Variants in PFKFB1 observed in about 807,000 individuals in gnomAD.
PFKFB1 encodes 6-phosphofructo-2-kinase/fructose-2,6-bisphosphatase 1.
A neutral mutation model predicts 46.4 loss-of-function variants in PFKFB1; 34 were observed. The observed-to-expected ratio is 0.73, with a 90% CI of 0.56 to 0.98. The LOEUF is 0.98. PFKFB1 is among the 50% of genes least tolerant of loss of function. The pLI is 0.00. For missense variants in PFKFB1, 393 were observed against 376.3 expected (o/e 1.04, Z -0.37); for synonymous variants, 119 against 133.8 (o/e 0.89, Z 0.76).
At chrX:54,966,566 A>G (rs914284043) in intron 1 of PFKFB1, among the ~76,000 whole-genome samples, 5 of 112,049 alleles carry the variant, frequency 4.5e-5, no homozygotes, top group Non-Finnish European at 9.4e-5. Flanking sequence ...CAGTGGAGGT[A>G]GTAAAAGCAA....
upstream of PFKFB1, among the ~76,000 whole-genome samples, chrX:54,997,772 C>G (rs1935379191): frequency 8.9e-6 from 1 of 112,100 alleles, no homozygotes; most frequent in Non-Finnish European, 1.9e-5. Context: ...GGCCTCATGC[C>G]TGGGCCCCAA....
At position 54,969,784 on chromosome X, in the gene PFKFB1, A is replaced by C. The variant is rs990906182; in HGVS notation, c.98-6402T>G. ...CATTCAACATAGTATTGTAACTCCC[A>C]GTCAATATTATAAGGCAAGAAAGGT... On this transcript the variant is annotated intron_variant, in intron 1 of 13. Coordinates refer to ENST00000375006, the MANE Select transcript of PFKFB1 (RefSeq NM_002625.4). Among the ~76,000 whole-genome samples, 5 of 112,168 alleles carry C rather than the reference A, an allele frequency of 4.5e-5. 1 individual carries two copies. The South Asian group carries it at 1.9e-3, about 42-fold the overall frequency.
intron 12 of PFKFB1, among the ~76,000 whole-genome samples, chrX:54,934,615 GCTGGT>G (rs1933325652): frequency 8.9e-6 from 1 of 112,081 alleles, no homozygotes; most frequent in Admixed American, 9.4e-5. Context: ...AACTGCCCAG[GCTGGT>G]CTTTGTGCTC....
intron 9 of PFKFB1, 128 bp from the exon 10 acceptor site, chrX:54,945,671 G>T: frequency 2.1e-6 from 1 of 466,344 alleles, no homozygotes. Context: ...ACAGCTCTGG[G>T]TTTGTGCCTG....
In PFKFB1 at chrX:54,933,827, C is replaced by T. The variant is rs766053115; in HGVS notation, c.1350G>A (p.Lys450=). ...NVEAVNTHRE[K]PENVDITREP... ...CATGGAGTCCCCCACCTACCTCAGG[C>T]TTCTCCCGGTGTGTGTTCACGGCCT... is the stretch of plus-strand genomic sequence containing the variant. Residue 450 remains lysine (K), a synonymous_variant, in exon 13 of 14, where the codon AAG becomes AAA. Coordinates refer to ENST00000375006, the MANE Select transcript of PFKFB1 (RefSeq NM_002625.4). 5 of 1,208,774 alleles carry T rather than the reference C, an allele frequency of 4.1e-6. No homozygotes were observed. The East Asian group carries it at 1.5e-4, about 36-fold the overall frequency.
At chrX:54,937,305 G>GT (rs1210195431) in intron 11 of PFKFB1, among the ~76,000 whole-genome samples, 1 of 111,794 alleles carries the variant, frequency 8.9e-6, no homozygotes, top group Non-Finnish European at 1.9e-5. Context: ...AATAATAGCA[G>GT]TTAATATATA....
chrX:54,933,456 C>T lies in PFKFB1; in HGVS notation c.1363G>A (p.Asp455Asn). Residue 455 changes from aspartate to asparagine, a missense_variant, in exon 14 of 14, where the codon GAC (aspartate) becomes AAC (asparagine). Transcript: ENST00000375006. ...GCTTCCTCAGGTTCCCGGGTGATGT[C>T]CACATTCTGAGGAGAGAGCGCAGGA... ...NTHREKPENVDITREPEEALD... is the reference protein window; with the variant it reads ...NTHREKPENVNITREPEEALD... 8.3e-7 allele frequency: 1 copy of T among 1,205,396 alleles called. No individual in the cohort carries two copies. Among genetic ancestry groups the T allele is most frequent in the Non-Finnish European group, 1.1e-6 (1 of 889,923 alleles).
At chrX:54,959,370 T>C (rs181720514) in intron 4 of PFKFB1, among the ~76,000 whole-genome samples, 16 of 112,088 alleles carry the variant, frequency 1.4e-4, no homozygotes, top group African/African-American at 5.2e-4. Flanking sequence ...GATTGGACCA[T>C]TTGCATATTT....
rs528928169 is a variant in PFKFB1, at chrX:54,936,320, C to T, written c.1228+1275G>A. On this transcript the variant is annotated intron_variant, in intron 11 of 13. Coordinates refer to ENST00000375006, the MANE Select transcript of PFKFB1 (RefSeq NM_002625.4). ...CCCTGATGTTCTGTGGGTCTGCATT[C>T]TCAGTCACATCATCTCTCTGGGCCT... is the stretch of plus-strand genomic sequence containing the variant. 1.8e-4 allele frequency among the ~76,000 whole-genome samples: 18 copies of T among 102,473 alleles called. No individual in the cohort carries two copies. The South Asian group carries it at 4.6e-3, about 26-fold the overall frequency. 89.0% of individuals were successfully genotyped at this position (102,473 alleles called of 115,157 possible).
chrX:54,993,819 G>C (rs1935304901), intron 1 of PFKFB1, 92 bp downstream of exon 1: 24 of 1,095,897 alleles, frequency 2.2e-5, no homozygotes, highest in Non-Finnish European at 2.8e-5. Flanking sequence ...GGTTGAGGTA[G>C]GAGTGGATGG....
chrX:54,978,054 T>C (rs771327200), intron 1 of PFKFB1, among the ~76,000 whole-genome samples: 39 of 110,255 alleles, frequency 3.5e-4, no homozygotes, highest in African/African-American at 1.2e-3. Flanking sequence ...CTATTGATAA[T>C]GGGAGAGGCT....
At chrX:54,969,487 T>C (rs1162598772) in intron 1 of PFKFB1, among the ~76,000 whole-genome samples, 1 of 111,902 alleles carries the variant, frequency 8.9e-6, no homozygotes, top group Non-Finnish European at 1.9e-5. Flanking sequence ...CTCTGTTCTT[T>C]ATAAATTAGC....
intron 1 of PFKFB1, among the ~76,000 whole-genome samples, chrX:54,974,029 G>T (rs2146663589): frequency 9.0e-6 from 1 of 111,304 alleles, no homozygotes; most frequent in Non-Finnish European, 1.9e-5. Flanking sequence ...ATATGGTAAA[G>T]ATGTCTATTC....
chrX:54,963,986 G>T, intron 1 of PFKFB1, among the ~76,000 whole-genome samples: 1 of 111,810 alleles, frequency 8.9e-6, no homozygotes, highest in East Asian at 2.8e-4. Flanking sequence ...ACTCACTGCA[G>T]CTGGCAGAGC....
At chrX:54,986,395 A>G (rs112549768) in intron 1 of PFKFB1, among the ~76,000 whole-genome samples, 1,969 of 112,634 alleles carry the variant, frequency 0.017, 25 homozygotes, top group African/African-American at 0.06. Context: ...TGGAGTGACC[A>G]TACTAATATG....
upstream of PFKFB1, chrX:54,994,811 C>T: frequency 1.3e-6 from 1 of 753,041 alleles, no homozygotes; most frequent in Non-Finnish European, 1.6e-6. Flanking sequence ...TTTCTACTCT[C>T]TCCAGCCAAG....
At chrX:54,955,350 A>G (rs1298958371) in intron 7 of PFKFB1, among the ~76,000 whole-genome samples, 2 of 111,342 alleles carry the variant, frequency 1.8e-5, no homozygotes, top group Non-Finnish European at 3.8e-5. Context: ...AAGCCTCTTT[A>G]TACTTCTCAC....
chrX:54,973,534 T>A (rs376485266), intron 1 of PFKFB1, among the ~76,000 whole-genome samples: 1 of 111,707 alleles, frequency 9.0e-6, no homozygotes, highest in Non-Finnish European at 1.9e-5. Context: ...GATTCTGTTA[T>A]GTTGTGTCTT....
At chrX:54,938,395 T>G (rs748148731) in intron 10 of PFKFB1, among the ~76,000 whole-genome samples, 161 of 111,994 alleles carry the variant, frequency 1.4e-3, no homozygotes, top group Middle Eastern at 9.1e-3. Flanking sequence ...CACATAACAA[T>G]ATTAACCTTA....
Sources: gnomAD v4.1 joint callset for allele counts (sites outside exome capture counted in the v4.1 genomes callset) on GRCh38, gnomAD v4.1.1 for gene constraint, MANE v1.5 for transcripts, NCBI Gene and HGNC (gene_info 2026-07-23, HGNC 2026-07-21) for gene names.